TMEM144: variants seen among roughly 807,000 people sequenced by gnomAD.
TMEM144 encodes the protein transmembrane protein 144.
TMEM144 carries 39 observed loss-of-function variants against 43.6 expected under a neutral mutation model. The observed-to-expected ratio is 0.90, with a 90% CI of 0.69 to 1.17. TMEM144 has a LOEUF of 1.17. Ranked by LOEUF, TMEM144 falls within the 50% of genes most tolerant of loss-of-function variation. The pLI, the probability that TMEM144 is intolerant of heterozygous loss-of-function variation, is 0.00. For synonymous variants in TMEM144, 154 were observed against 133.6 expected, an observed-to-expected ratio of 1.15 and a Z score of -1.06; for missense variants, 417 against 411.9, an observed-to-expected ratio of 1.01 and a Z score of -0.11.
chr4:158,233,230 T>TAA (rs1283274475), intron 7 of TMEM144: 2 of 266,452 alleles, frequency 7.5e-6, no homozygotes, highest in East Asian at 7.3e-5. Flanking sequence ...GATATATATA[T>TAA]AACCCCATTT....
Position 158,248,476 on chromosome 4 carries a change from A to G in TMEM144, c.954+4127A>G, listed in dbSNP as rs114785672. On this transcript the variant is annotated intron_variant, in intron 12 of 12. Coordinates refer to ENST00000296529, the MANE Select transcript of TMEM144 (RefSeq NM_018342.5). The stretch of plus-strand genomic sequence containing the variant: ...ACAAAAAATCTTATATGTCATCTAC[A>G]AGCAAAATTTAACAGATGTCCAATG... Among the ~76,000 whole-genome samples the G allele has an allele frequency of 2.8e-3, 424 of 152,280 alleles. 2 individuals carry two copies. Among genetic ancestry groups the G allele is most frequent in the Non-Finnish European group, 4.3e-3 (294 of 68,022 alleles).
intron 9 of TMEM144, among the ~76,000 whole-genome samples, chr4:158,238,639 G>A (rs1006510071): frequency 6.6e-6 from 1 of 152,094 alleles, no homozygotes; most frequent in South Asian, 2.1e-4. Flanking sequence ...AACCAGAAAC[G>A]AATCTAAAAA....
chr4:158,237,940 GA>G (rs1031121123), intron 9 of TMEM144, among the ~76,000 whole-genome samples: 18 of 152,104 alleles, frequency 1.2e-4, no homozygotes, highest in African/African-American at 3.1e-4. Context: ...TGATCTCTGG[GA>G]AAATATATAT....
intron 6 of TMEM144, among the ~76,000 whole-genome samples, chr4:158,225,493 T>C (rs1734719376): frequency 6.6e-6 from 1 of 152,252 alleles, no homozygotes; most frequent in African/African-American, 2.4e-5. Context: ...AGCTTTAAAT[T>C]GATCTGGTAT....
At chr4:158,223,714 C>T (rs1236088934) in intron 6 of TMEM144, among the ~76,000 whole-genome samples, 1 of 152,234 alleles carries the variant, frequency 6.6e-6, no homozygotes, top group Non-Finnish European at 1.5e-5. Flanking sequence ...CTTCCAGCCT[C>T]ATCCATGTCT....
intron 9 of TMEM144, among the ~76,000 whole-genome samples, chr4:158,239,701 A>G (rs1027590719): frequency 3.0e-4 from 45 of 152,316 alleles, no homozygotes; most frequent in African/African-American, 1.1e-3. Context: ...AAAGGGAGGT[A>G]TTAACATCAT....
intron 4 of TMEM144, among the ~76,000 whole-genome samples, chr4:158,215,822 C>T (rs1281647873): frequency 6.6e-6 from 1 of 152,108 alleles, no homozygotes; most frequent in Non-Finnish European, 1.5e-5. Flanking sequence ...GAATTCATAC[C>T]TTGGCTTGGC....
intron 6 of TMEM144, among the ~76,000 whole-genome samples, chr4:158,222,811 C>T (rs537348420): frequency 2.6e-5 from 4 of 152,238 alleles, no homozygotes; most frequent in East Asian, 1.9e-4. Flanking sequence ...GTGTGATGTA[C>T]GGGATTGCAA....
intron 8 of TMEM144, among the ~76,000 whole-genome samples, chr4:158,235,915 A>G (rs1175087734): frequency 6.6e-6 from 1 of 152,204 alleles, no homozygotes; most frequent in Non-Finnish European, 1.5e-5. Flanking sequence ...TCCTGTGTTT[A>G]GACAGTTATA....
chr4:158,240,710 C>T (rs1735591465), intron 10 of TMEM144, among the ~76,000 whole-genome samples: 2 of 152,180 alleles, frequency 1.3e-5, no homozygotes, highest in Non-Finnish European at 2.9e-5. Context: ...CTGTGCCAAA[C>T]ATCTTCTGTA....
intron 8 of TMEM144, 74 bp downstream of exon 8, chr4:158,235,579 TA>T: frequency 6.9e-7 from 1 of 1,441,184 alleles, no homozygotes; most frequent in Non-Finnish European, 9.5e-7. Flanking sequence ...CAGCATGAAG[TA>T]ATGTTCATCT....
At chr4:158,227,455 A>G (rs1734832105) in intron 6 of TMEM144, among the ~76,000 whole-genome samples, 1 of 152,154 alleles carries the variant, frequency 6.6e-6, no homozygotes, top group Admixed American at 6.5e-5. Context: ...AATACTTTCA[A>G]TTATCAATTA....
rs771153924 is a variant in TMEM144, at chr4:158,240,461, C to T, written c.802+43C>T. On this transcript the variant is annotated intron_variant, in intron 10 of 12. Coordinates refer to ENST00000296529, the MANE Select transcript of TMEM144 (RefSeq NM_018342.5). Reference sequence around the variant, plus strand: ...AGATCTTCTTACTATATGAAAGTGTCATCTACAACTCATTTAACTTGAATA... The same window carrying T: ...AGATCTTCTTACTATATGAAAGTGTTATCTACAACTCATTTAACTTGAATA... 2.6e-6 allele frequency: 4 copies of T among 1,554,794 alleles called. No individual in the cohort carries two copies. In the South Asian group the frequency reaches 4.9e-5, roughly 19 times the overall value.
chr4:158,212,726 T>G lies in TMEM144; in HGVS notation c.59T>G (p.Leu20Arg), dbSNP rs1174841469. The G allele has an allele frequency of 6.2e-7, 1 of 1,613,850 alleles. No individual in the cohort carries two copies. ...TACATCTCCTGTTTTGTAGCTATCC[T>G]TTTGTTTGGCTCAAATTTTGTGCCA... is the stretch of plus-strand genomic sequence containing the variant. ...FGYISCFVAI[L>R]LFGSNFVPLK... The change falls in exon 3 of 13, where the codon CTT (leucine) becomes CGT (arginine). Residue 20 changes from leucine (L) to arginine (R), a missense_variant. Coordinates refer to ENST00000296529, the MANE Select transcript of TMEM144 (RefSeq NM_018342.5).
chr4:158,253,656 A>G lies in TMEM144; in HGVS notation c.*129A>G. ...ATCTCAGCCACTGTTGGAGTGGGTA[A>G]ATGATTTTTTTCCCCAAAAATGTGA... On this transcript the variant is annotated 3_prime_UTR_variant, in exon 13 of 13. Transcript: ENST00000296529. The G allele has an allele frequency of 1.4e-6, 1 of 692,214 alleles. No individual in the cohort carries two copies. The allele number at this position is 692,214 out of a possible 1,614,324, so 42.9% of individuals were successfully genotyped here. A position where few individuals can be genotyped will look rare whatever the true frequency, so the allele number is the denominator to read the frequency against.
At position 158,219,361 on chromosome 4, in the gene TMEM144, T is replaced by G; in HGVS notation, c.384T>G (p.Asn128Lys). 5.0e-6 allele frequency: 8 copies of G among 1,613,926 alleles called. No individual in the cohort carries two copies. The highest frequency in any genetic ancestry group is 6.8e-6 in the Non-Finnish European group (8 of 1,179,844). Residue 128 changes from asparagine to lysine, a missense_variant, in exon 6 of 13, where the codon AAT becomes AAG. Transcript: ENST00000296529. Reference sequence around the variant, plus strand: ...AAGAAGTATCAAATCCGCTGCTAAATTACATTGGAGCTGGGCTATCAGTAG... The same window carrying G: ...AAGAAGTATCAAATCCGCTGCTAAAGTACATTGGAGCTGGGCTATCAGTAG... The part of the protein sequence containing the change: ...DAEEVSNPLL[N>K]YIGAGLSVVS...
At chr4:158,225,389 G>A (rs373300967) in intron 6 of TMEM144, among the ~76,000 whole-genome samples, 16 of 152,210 alleles carry the variant, frequency 1.1e-4, no homozygotes, top group Admixed American at 7.9e-4. Flanking sequence ...GCTTGTTGCT[G>A]TTGGTTGTAA....
Position 158,254,698 on chromosome 4 carries a change from C to A in TMEM144, c.*1171C>A, listed in dbSNP as rs1332867513. ...TTTCCAAAACTTTGAGATAACGAAACCCCTATTCAAATGTAAATTTTACCC... is the reference window on the plus strand; with the variant it reads ...TTTCCAAAACTTTGAGATAACGAAAACCCTATTCAAATGTAAATTTTACCC... On this transcript the variant is annotated 3_prime_UTR_variant, in exon 13 of 13. Transcript: ENST00000296529. The A allele has an allele frequency of 6.6e-6, 1 of 152,152 alleles. No individual in the cohort carries two copies. Among genetic ancestry groups the A allele is most frequent in the Non-Finnish European group, 1.5e-5 (1 of 68,032 alleles). The allele number at this position is 152,152 out of a possible 1,614,324, so 9.4% of individuals were successfully genotyped here. A position where few individuals can be genotyped will look rare whatever the true frequency, so the allele number is the denominator to read the frequency against.
At chr4:158,250,822 C>A (rs922748147) in intron 12 of TMEM144, among the ~76,000 whole-genome samples, 2 of 152,154 alleles carry the variant, frequency 1.3e-5, no homozygotes, top group African/African-American at 4.8e-5. Context: ...TGAACCCACT[C>A]CCCCCAACAA....
Sources: gnomAD v4.1 joint callset for allele counts (sites outside exome capture counted in the v4.1 genomes callset) on GRCh38, gnomAD v4.1.1 for gene constraint, MANE v1.5 for transcripts, NCBI Gene and HGNC (gene_info 2026-07-23, HGNC 2026-07-21) for gene names.